CFAP20DC: variants seen among roughly 807,000 people sequenced by gnomAD.
CFAP20DC encodes the protein protein CFAP20DC.
In CFAP20DC, 84 loss-of-function variants were observed where a neutral mutation model predicts 101.7. That is an observed-to-expected ratio of 0.83 (90% CI 0.69 to 0.99). CFAP20DC has a LOEUF of 0.99. Ranked by LOEUF, CFAP20DC falls within the 50% of genes least tolerant of loss-of-function variation. The probability of loss-of-function intolerance (pLI) is 0.00; values close to 1 mark genes in which losing one functional copy is unlikely to be tolerated. For missense variants in CFAP20DC, 1,007 were observed against 970.3 expected (o/e 1.04, Z -0.50); for synonymous variants, 359 against 351.2 (o/e 1.02, Z -0.25).
chr3:59,027,041 G>A (rs2093906295), intron 4 of CFAP20DC, among the ~76,000 whole-genome samples: 1 of 152,096 alleles, frequency 6.6e-6, no homozygotes, highest in African/African-American at 2.4e-5. Context: ...TTTACTGTGA[G>A]GAAACGGAAA....
chr3:58,807,025 C>T (rs1045590271), intron 14 of CFAP20DC, among the ~76,000 whole-genome samples: 2 of 152,128 alleles, frequency 1.3e-5, no homozygotes, highest in African/African-American at 4.8e-5. Flanking sequence ...GAGGGGTGCC[C>T]GCCATTGCCC....
Position 58,742,451 on chromosome 3 carries a change from A to G in CFAP20DC, c.*9T>C, listed in dbSNP as rs768561540. ...TGGGAGTGCCTGCTCTCTGCCCCGG[A>G]AGGAGGCATTATACCAACTCATAGT... On this transcript the variant is annotated 3_prime_UTR_variant, in exon 17 of 17. Transcript: ENST00000482387. 1.3e-6 allele frequency: 2 copies of G among 1,588,456 alleles called. No homozygotes were observed. The highest frequency in any genetic ancestry group is 4.6e-5 in the East Asian group (2 of 43,340).
At position 58,863,467 on chromosome 3, in the gene CFAP20DC, T is replaced by C. The variant is rs757504887; in HGVS notation, c.1593+91A>G. The C allele has an allele frequency of 6.5e-7, 1 of 1,529,334 alleles. No homozygotes were observed. The highest frequency in any genetic ancestry group is 1.2e-5 in the South Asian group (1 of 81,400). The allele number at this position is 1,529,334 out of a possible 1,614,324, so 94.7% of individuals were successfully genotyped here. ...TGCATTTTTATAAATAGCAGTTGAT[T>C]TTCCCTCTTTCATTTCAACTTGTTT... On this transcript the variant is annotated intron_variant, in intron 12 of 16. Transcript: ENST00000482387. This position sits in a 1 kb window ranked among gnomAD's most constrained non-coding sequence, Gnocchi z 5.9.
intron 6 of CFAP20DC, among the ~76,000 whole-genome samples, chr3:58,889,184 C>T (rs1332256039): frequency 6.6e-6 from 1 of 152,180 alleles, no homozygotes; most frequent in Non-Finnish European, 1.5e-5. Context: ...AGGCTAGCCA[C>T]ATTTCAAGGG....
At chr3:58,880,249 A>G (rs2081129355) in intron 7 of CFAP20DC, among the ~76,000 whole-genome samples, 1 of 152,122 alleles carries the variant, frequency 6.6e-6, no homozygotes, top group Non-Finnish European at 1.5e-5. Flanking sequence ...GTGTTTCCTT[A>G]AAAATTTTAT....
At chr3:58,929,416 A>C (rs923945787) in intron 5 of CFAP20DC, among the ~76,000 whole-genome samples, 23 of 152,224 alleles carry the variant, frequency 1.5e-4, no homozygotes, top group Non-Finnish European at 2.6e-4. Flanking sequence ...TTTAACTCTT[A>C]GAAACCACCT....
At chr3:58,975,886 A>T (rs2092249739) in intron 4 of CFAP20DC, among the ~76,000 whole-genome samples, 1 of 151,986 alleles carries the variant, frequency 6.6e-6, no homozygotes, top group East Asian at 1.9e-4. Context: ...CATTTTTTAG[A>T]TGTGATGAGA....
chr3:58,720,839 G>A (rs1477754126), intron 3 of CFAP20DC, among the ~76,000 whole-genome samples: 1 of 152,060 alleles, frequency 6.6e-6, no homozygotes, highest in Non-Finnish European at 1.5e-5. Context: ...CTCTTTCCTT[G>A]GCTTATATTG....
chr3:58,857,018 A>C, intron 12 of CFAP20DC, among the ~76,000 whole-genome samples: 1 of 152,356 alleles, frequency 6.6e-6, no homozygotes, highest in Non-Finnish European at 1.5e-5. Flanking sequence ...AGTAAACATT[A>C]ATGCAATAGA....
rs530669579 is a variant in CFAP20DC at position 58,788,114 on chromosome 3, C to T, written c.2237+18281G>A. Among the ~76,000 whole-genome samples, 5 of 151,344 alleles carry T rather than the reference C, an allele frequency of 3.3e-5. No homozygotes were observed. The highest frequency in any genetic ancestry group is 5.9e-5 in the Non-Finnish European group (4 of 67,816). ...ATATATAACAAACCTGCATGTTCTGCACATTTGTCCCAGAACTTAAAGTAC... is the reference window on the plus strand; with the variant it reads ...ATATATAACAAACCTGCATGTTCTGTACATTTGTCCCAGAACTTAAAGTAC... On this transcript the variant is annotated intron_variant, in intron 15 of 16. Coordinates refer to ENST00000482387, the MANE Select transcript of CFAP20DC (RefSeq NM_001394063.1). This position sits in a 1 kb window ranked among gnomAD's most constrained non-coding sequence, Gnocchi z 4.2.
intron 4 of CFAP20DC, among the ~76,000 whole-genome samples, chr3:58,986,818 C>G (rs2092768741): frequency 6.6e-6 from 1 of 152,004 alleles, no homozygotes; most frequent in Non-Finnish European, 1.5e-5. Context: ...AAAACGACCC[C>G]CAATAAACAT....
intron 2 of CFAP20DC, among the ~76,000 whole-genome samples, chr3:59,046,726 CT>C (rs1423613651): frequency 3.3e-5 from 5 of 152,098 alleles, no homozygotes; most frequent in Non-Finnish European, 5.9e-5. Flanking sequence ...AGCAAGCGAC[CT>C]TAAGAATAAA....
chr3:58,951,147 C>T (rs2090058112), intron 4 of CFAP20DC, among the ~76,000 whole-genome samples: 2 of 152,128 alleles, frequency 1.3e-5, no homozygotes, highest in South Asian at 2.1e-4. Context: ...CCAAAAGACA[C>T]ATGAAAAAAT....
chr3:58,866,641 G>A lies in CFAP20DC; in HGVS notation c.1183C>T (p.Leu395Phe). Residue 395 changes from leucine to phenylalanine, a missense_variant, in exon 11 of 17, where the codon CTC becomes TTC. Coordinates refer to ENST00000482387, the MANE Select transcript of CFAP20DC (RefSeq NM_001394063.1). Reference sequence around the variant, plus strand: ...GCTCCTTGTTGGGACACAGTGGTGAGGATAGTTGATGCTTTATCTTCAATC... The same window carrying A: ...GCTCCTTGTTGGGACACAGTGGTGAAGATAGTTGATGCTTTATCTTCAATC... The part of the protein sequence containing the change: ...NRIEDKASTI[L>F]TTVSQQGAEL... The A allele has an allele frequency of 6.2e-7, 1 of 1,601,946 alleles. No individual in the cohort carries two copies. Among genetic ancestry groups the A allele is most frequent in the Middle Eastern group, 1.7e-4 (1 of 6,042 alleles).
rs1209186435 is a variant in CFAP20DC at position 58,855,985 on chromosome 3, T to TA, written c.1594-6577dup. Among the ~76,000 whole-genome samples the TA allele has an allele frequency of 4.1e-3, 501 of 121,920 alleles. 4 individuals carry two copies. Among genetic ancestry groups the TA allele is most frequent in the African/African-American group, 0.013 (440 of 32,896 alleles). The allele number at this position is 121,920 out of a possible 152,430, so 80.0% of individuals were successfully genotyped here. A position where few individuals can be genotyped will look rare whatever the true frequency, so the allele number is the denominator to read the frequency against. ...ATGTACCCTAAAACTTAAAGTATAA[T>TA]AAAAAAAAATAAAAAAAAGAAAGAA... On this transcript the variant is annotated intron_variant, in intron 12 of 16. Transcript: ENST00000482387.
chr3:58,786,616 G>A (rs1350383762), intron 15 of CFAP20DC, among the ~76,000 whole-genome samples: 3 of 151,652 alleles, frequency 2.0e-5, no homozygotes, highest in Non-Finnish European at 4.4e-5. Context: ...TTATCAGATC[G>A]TCCGTGATAG....
At chr3:58,871,818 G>C (rs982409866) in intron 7 of CFAP20DC, among the ~76,000 whole-genome samples, 1 of 152,074 alleles carries the variant, frequency 6.6e-6, no homozygotes, top group South Asian at 2.1e-4. Flanking sequence ...GTGAGCCACC[G>C]CACCTGGCCC....
At chr3:58,998,061 A>G (rs2093194387) in intron 4 of CFAP20DC, among the ~76,000 whole-genome samples, 1 of 152,178 alleles carries the variant, frequency 6.6e-6, no homozygotes, top group African/African-American at 2.4e-5. Flanking sequence ...GCACTAGCCC[A>G]AGCTTGAAGG....
At chr3:58,812,611 C>CGA (rs1169061724) in intron 14 of CFAP20DC, among the ~76,000 whole-genome samples, 2 of 151,422 alleles carry the variant, frequency 1.3e-5, no homozygotes, top group East Asian at 3.9e-4. Flanking sequence ...TGCTAAATGA[C>CGA]GAGTTAATGG....
Sources: gnomAD v4.1 joint callset for allele counts (sites outside exome capture counted in the v4.1 genomes callset) on GRCh38, gnomAD v4.1.1 for gene constraint, Gnocchi (gnomAD v3.1) non-coding constraint, MANE v1.5 for transcripts, NCBI Gene and HGNC (gene_info 2026-07-23, HGNC 2026-07-21) for gene names.